Variants in MORC1 observed in about 807,000 individuals in gnomAD.
MORC1 encodes MORC family CW-type zinc finger protein 1.
A neutral mutation model predicts 134.9 loss-of-function variants in MORC1; 59 were observed. The ratio of observed to expected loss-of-function variants is 0.44; its 90% CI spans 0.35 to 0.54. The LOEUF (loss-of-function observed/expected upper bound fraction) is 0.54, where lower values mean the gene tolerates loss of function less well. MORC1 is among the 20% of genes least tolerant of loss of function. The probability of loss-of-function intolerance (pLI) is 0.00; values close to 1 mark genes in which losing one functional copy is unlikely to be tolerated. For synonymous variants in MORC1, 395 were observed against 391.7 expected (o/e 1.01, Z -0.10); for missense variants, 947 against 1,134.5 (o/e 0.83, Z 2.37).
chr3:108,980,071 A>T (rs183709681), intron 23 of MORC1, among the ~76,000 whole-genome samples: 5 of 152,364 alleles, frequency 3.3e-5, no homozygotes, highest in Non-Finnish European at 7.3e-5. Context: ...AAATTAAAAC[A>T]TACTGTAACC....
chr3:109,052,531 G>T (rs1031313145), intron 14 of MORC1, among the ~76,000 whole-genome samples: 1 of 152,086 alleles, frequency 6.6e-6, no homozygotes, highest in Non-Finnish European at 1.5e-5. Context: ...CTCAGCTTCG[G>T]CAGGAAATCT....
At chr3:109,057,299 A>G (rs1423281392) in intron 13 of MORC1, 44 bp downstream of exon 13, 2 of 1,571,982 alleles carry the variant, frequency 1.3e-6, no homozygotes, top group South Asian at 2.4e-5. Context: ...TTACTGTAAC[A>G]TCCCTTTCTC....
rs562092353 is a variant in MORC1 at position 109,115,803 on chromosome 3, A to G, written c.66-1366T>C. 3.9e-4 allele frequency among the ~76,000 whole-genome samples: 59 copies of G among 152,322 alleles called. 1 individual carries two copies. The highest frequency in any genetic ancestry group is 5.2e-4 in the Admixed American group (8 of 15,308). ...CTCAAGCTGGTGGGGTACACGGAAA[A>G]CACACAAGTAAACAAACTTATGAGG... is the stretch of plus-strand genomic sequence containing the variant. On this transcript the variant is annotated intron_variant, in intron 1 of 27. Coordinates refer to ENST00000232603, the MANE Select transcript of MORC1 (RefSeq NM_014429.4).
chr3:109,094,799 TC>T (rs1414124057), intron 7 of MORC1, 109 bp downstream of exon 7: 112 of 1,038,912 alleles, frequency 1.1e-4, no homozygotes, highest in Non-Finnish European at 1.5e-4. Flanking sequence ...CCAGTGTGAA[TC>T]CACATGAGAT....
Position 109,005,086 on chromosome 3 carries a change from A to T in MORC1, c.1997T>A (p.Leu666Gln). 4 of 1,610,920 alleles carry T rather than the reference A, an allele frequency of 2.5e-6. No homozygotes were observed. The highest frequency in any genetic ancestry group is 3.4e-6 in the Non-Finnish European group (4 of 1,178,878). ...TAATAATACCTGGGATCTCTCAGCTAGTTTGACATTTTCTGGCAGAGCTAC... is the reference window on the plus strand; with the variant it reads ...TAATAATACCTGGGATCTCTCAGCTTGTTTGACATTTTCTGGCAGAGCTAC... ...IPVALPENVK[L>Q]AERSQRSQIA... Residue 666 changes from leucine (L) to glutamine (Q), a missense_variant, in exon 19 of 28, where the codon CTA (leucine) becomes CAA (glutamine). Physicochemically the swap from Leu to Gln is moderately radical, Grantham distance 113. Around this residue, in one of 3 missense-constraint regions of MORC1, gnomAD observed 722 missense variants for 817.0 expected, o/e 0.88. Coordinates refer to ENST00000232603, the MANE Select transcript of MORC1 (RefSeq NM_014429.4).
At chr3:109,071,332 CAT>C (rs1012774741) in intron 8 of MORC1, among the ~76,000 whole-genome samples, 5 of 152,148 alleles carry the variant, frequency 3.3e-5, no homozygotes, top group East Asian at 1.9e-4. Context: ...TACACACACA[CAT>C]ATATGTGTGT....
chr3:108,964,087 C>T (rs1030860237), intron 26 of MORC1, among the ~76,000 whole-genome samples: 1 of 152,190 alleles, frequency 6.6e-6, no homozygotes, highest in Non-Finnish European at 1.5e-5. Flanking sequence ...CTAGAAAGCA[C>T]AGAAACTACA....
intron 14 of MORC1, among the ~76,000 whole-genome samples, chr3:109,040,399 A>AGAAGG (rs35362201): frequency 0.02 from 741 of 37,358 alleles, 28 homozygotes; most frequent in Non-Finnish European, 0.038. Flanking sequence ...AGAAAGAAAG[A>AGAAGG]AAGAGAAGGA....
At chr3:109,111,991 G>C (rs546724397) in intron 2 of MORC1, among the ~76,000 whole-genome samples, 2 of 152,048 alleles carry the variant, frequency 1.3e-5, no homozygotes, top group Non-Finnish European at 1.5e-5. Context: ...ATTCTCTTCC[G>C]ATCCTTACCA....
At chr3:109,006,942 C>A in intron 18 of MORC1, 87 bp downstream of exon 18, 1 of 1,046,338 alleles carries the variant, frequency 9.6e-7, no homozygotes, top group Non-Finnish European at 1.4e-6. Context: ...CCTCATAAAC[C>A]ATGATGACAG....
intron 8 of MORC1, among the ~76,000 whole-genome samples, chr3:109,092,170 C>T (rs1404315105): frequency 6.6e-6 from 1 of 152,074 alleles, no homozygotes; most frequent in East Asian, 1.9e-4. Flanking sequence ...CTGACACCGG[C>T]ATATTAATGC....
intron 17 of MORC1, among the ~76,000 whole-genome samples, chr3:109,012,774 A>T (rs1256014983): frequency 6.6e-6 from 1 of 152,248 alleles, no homozygotes; most frequent in Non-Finnish European, 1.5e-5. Flanking sequence ...ACCTTGCTAA[A>T]GCTCATTTCA....
intron 9 of MORC1, among the ~76,000 whole-genome samples, chr3:109,067,820 G>A (rs1312421239): frequency 5.9e-5 from 9 of 152,224 alleles, no homozygotes; most frequent in Middle Eastern, 3.4e-3. Context: ...CCATTGGTGC[G>A]TGGTCAGGGA....
intron 17 of MORC1, among the ~76,000 whole-genome samples, chr3:109,014,804 TTAAGA>T (rs1948778585): frequency 1.3e-5 from 2 of 152,308 alleles, no homozygotes; most frequent in South Asian, 2.1e-4. Context: ...AAAAAAGAAC[TTAAGA>T]TATTATAGAA....
intron 8 of MORC1, among the ~76,000 whole-genome samples, chr3:109,074,616 T>G (rs1174322662): frequency 6.6e-6 from 1 of 152,252 alleles, no homozygotes; most frequent in Non-Finnish European, 1.5e-5. Context: ...ACAATGGAAC[T>G]GACATCGAGA....
intron 8 of MORC1, among the ~76,000 whole-genome samples, chr3:109,091,426 A>G (rs1250029373): frequency 6.8e-6 from 1 of 147,404 alleles, no homozygotes; most frequent in Non-Finnish European, 1.5e-5. Flanking sequence ...CCTGGGCAAC[A>G]GGGTGAGACT....
intron 17 of MORC1, among the ~76,000 whole-genome samples, chr3:109,018,734 A>G (rs1315388184): frequency 6.6e-6 from 1 of 152,254 alleles, no homozygotes; most frequent in African/African-American, 2.4e-5. Flanking sequence ...GCTCTGCTCC[A>G]GAAATATCAT....
At chr3:109,017,513 A>T (rs1048762505) in intron 17 of MORC1, among the ~76,000 whole-genome samples, 1 of 152,234 alleles carries the variant, frequency 6.6e-6, no homozygotes, top group African/African-American at 2.4e-5. Flanking sequence ...CTAATTAGAG[A>T]TAGAGATTTC....
intron 14 of MORC1, among the ~76,000 whole-genome samples, chr3:109,040,648 G>A (rs1033101466): frequency 6.6e-6 from 1 of 151,458 alleles, no homozygotes; most frequent in Non-Finnish European, 1.5e-5. Context: ...TGATCAACAT[G>A]GTGAAACCCC....
Sources: allele counts gnomAD v4.1 joint callset (sites outside exome capture counted in the v4.1 genomes callset), GRCh38; gene constraint gnomAD v4.1.1; regional missense constraint gnomAD v4.1.1; transcripts MANE v1.5; gene names NCBI Gene and HGNC (gene_info 2026-07-23, HGNC 2026-07-21).